The following DNAH2 variants were observed in gnomAD, a reference collection of about 807,000 sequenced individuals.
DNAH2 encodes the protein dynein axonemal heavy chain 2.
Under a neutral mutation model 523.5 loss-of-function variants are expected in DNAH2, and 323 were observed. The ratio of observed to expected loss-of-function variants is 0.62; its 90% CI spans 0.56 to 0.68. The LOEUF (loss-of-function observed/expected upper bound fraction) is 0.68. Ranked by LOEUF, DNAH2 falls within the 30% of genes least tolerant of loss-of-function variation. DNAH2 has a pLI of 0.00. For synonymous variants in DNAH2, 2,093 were observed against 2,177.4 expected, an observed-to-expected ratio of 0.96 and a Z score of 1.08; for missense variants, 4,907 against 5,701.5, an observed-to-expected ratio of 0.86 and a Z score of 4.49.
chr17:7,805,446 T>C, intron 61 of DNAH2, 53 bp downstream of exon 61: 1 of 1,609,840 alleles, frequency 6.2e-7, no homozygotes, highest in Non-Finnish European at 8.5e-7. Flanking sequence ...TGTTTATTGA[T>C]CGTCGGCTGT....
chr17:7,743,329 T>C, intron 12 of DNAH2, 187 bp downstream of exon 12: 1 of 727,168 alleles, frequency 1.4e-6, no homozygotes. Context: ...CACCCTGCTA[T>C]CAACATTTTA....
intron 2 of DNAH2, among the ~76,000 whole-genome samples, chr17:7,722,502 A>G (rs1453001553): frequency 6.6e-6 from 1 of 152,136 alleles, no homozygotes; most frequent in African/African-American, 2.4e-5. Flanking sequence ...GGTGACTCCT[A>G]TATCTTTACT....
At position 7,777,216 on chromosome 17, in the gene DNAH2, G is replaced by T. The variant is rs1055728197; in HGVS notation, c.5059-230G>T. 1.3e-3 allele frequency among the ~76,000 whole-genome samples: 194 copies of T among 152,210 alleles called. 1 individual carries two copies. Among genetic ancestry groups the T allele is most frequent in the African/African-American group, 4.3e-3 (177 of 41,514 alleles). ...ATGGGCTAGGCCTGGAGCTAGAATTGCAGGGAGGGAGCAGTCAGAATTAGA... is the reference window on the plus strand; with the variant it reads ...ATGGGCTAGGCCTGGAGCTAGAATTTCAGGGAGGGAGCAGTCAGAATTAGA... On this transcript the variant is annotated intron_variant, in intron 32 of 85. Coordinates refer to ENST00000572933, the MANE Select transcript of DNAH2 (RefSeq NM_020877.5).
intron 18 of DNAH2, among the ~76,000 whole-genome samples, chr17:7,762,323 T>C (rs1166192038): frequency 6.7e-6 from 1 of 149,626 alleles, no homozygotes; most frequent in East Asian, 1.9e-4. Flanking sequence ...GGACTTTGCG[T>C]AGGATTTCTT....
intron 46 of DNAH2, 109 bp from the exon 47 acceptor site, chr17:7,792,548 C>A: frequency 9.4e-7 from 1 of 1,065,690 alleles, no homozygotes; most frequent in Non-Finnish European, 1.4e-6. Context: ...CCAGGCCCCA[C>A]AGGAGGGCAG....
chr17:7,775,390 A>C (rs1447524209), intron 30 of DNAH2, 48 bp downstream of exon 30: 1 of 1,560,514 alleles, frequency 6.4e-7, no homozygotes, highest in Non-Finnish European at 8.7e-7. Flanking sequence ...TTCTTCCTAC[A>C]GAAAGTTCAC....
At chr17:7,825,011 AC>A (rs1322083363) in intron 77 of DNAH2, among the ~76,000 whole-genome samples, 4 of 152,130 alleles carry the variant, frequency 2.6e-5, no homozygotes, top group African/African-American at 9.7e-5. Context: ...GAATACTGTT[AC>A]CCCCATTTTA....
At chr17:7,795,650 A>AATAT (rs1246942689) in intron 49 of DNAH2, among the ~76,000 whole-genome samples, 1 of 97,682 alleles carries the variant, frequency 1.0e-5, no homozygotes, top group African/African-American at 2.9e-5. Context: ...CACCAGCTTG[A>AATAT]ATATATATAT....
At chr17:7,721,375 T>G (rs2074600407) in intron 2 of DNAH2, among the ~76,000 whole-genome samples, 1 of 151,994 alleles carries the variant, frequency 6.6e-6, no homozygotes, top group African/African-American at 2.4e-5. Flanking sequence ...GGTTTCACCA[T>G]GTTGCCCAGG....
intron 11 of DNAH2, among the ~76,000 whole-genome samples, chr17:7,742,625 C>G (rs375247704): frequency 6.6e-6 from 1 of 152,344 alleles, no homozygotes; most frequent in East Asian, 1.9e-4. Flanking sequence ...AACCTTGTGC[C>G]TCATATCCTG....
At chr17:7,769,984 G>A (rs1191070262) in intron 24 of DNAH2, among the ~76,000 whole-genome samples, 1 of 152,134 alleles carries the variant, frequency 6.6e-6, no homozygotes, top group Admixed American at 6.6e-5. Context: ...CCTTTACTCA[G>A]TACAGTTCTA....
In DNAH2 at chr17:7,776,016, C is replaced by T. The variant is rs370379054; in HGVS notation, c.4822-8C>T. The T allele has an allele frequency of 5.0e-6, 8 of 1,612,380 alleles. No individual in the cohort carries two copies. In the Admixed American group the frequency reaches 6.7e-5, roughly 13 times the overall value. ...GCTGAGCTGCCCTATTCTCCCACCT[C>T]CCCCCAGTCCTGGCTTGGCGATGTG... is the stretch of plus-strand genomic sequence containing the variant. On this transcript the variant is annotated splice_polypyrimidine_tract_variant and splice_region_variant and intron_variant, in intron 30 of 85. Coordinates refer to ENST00000572933, the MANE Select transcript of DNAH2 (RefSeq NM_020877.5).
Position 7,799,165 on chromosome 17 carries a change from C to T in DNAH2, c.8622C>T (p.Leu2874=), listed in dbSNP as rs1390328639. 6.2e-7 allele frequency: 1 copy of T among 1,614,224 alleles called. No homozygotes were observed. The highest frequency in any genetic ancestry group is 1.7e-5 in the Admixed American group (1 of 60,024). Residue 2874 remains leucine (L), a synonymous_variant, in exon 56 of 86, where the codon CTC becomes CTT. Coordinates refer to ENST00000572933, the MANE Select transcript of DNAH2 (RefSeq NM_020877.5). ...VEQVPESSDS[L]FAYLIERVQN... ...AGGTGCCTGAGTCATCGGACAGCCT[C>T]TTCGCCTACCTCATTGAACGCGTGC...
intron 58 of DNAH2, among the ~76,000 whole-genome samples, 166 bp from the exon 59 acceptor site, chr17:7,804,090 T>A (rs932238524): frequency 6.6e-6 from 1 of 152,110 alleles, no homozygotes; most frequent in Non-Finnish European, 1.5e-5. Flanking sequence ...CTGTTGGCAA[T>A]GACCCAGGCA....
intron 18 of DNAH2, among the ~76,000 whole-genome samples, chr17:7,761,181 A>G (rs1220236620): frequency 6.6e-6 from 1 of 152,238 alleles, no homozygotes. Context: ...GTGAGAAAGA[A>G]GAAGTTCCAG....
At chr17:7,792,429 A>T in intron 46 of DNAH2, 86 bp downstream of exon 46, 1 of 1,386,614 alleles carries the variant, frequency 7.2e-7, no homozygotes, top group Admixed American at 1.7e-5. Flanking sequence ...AGAAGCAAAA[A>T]TGAGCAATAG....
rs2075399407 is a variant in DNAH2, at chr17:7,743,027, A to G, written c.1789A>G (p.Lys597Glu). The G allele has an allele frequency of 6.6e-7, 1 of 1,523,438 alleles. No homozygotes were observed. The highest frequency in any genetic ancestry group is 2.3e-5 in the East Asian group (1 of 44,134). The allele number at this position is 1,523,438 out of a possible 1,614,324, so 94.4% of individuals were successfully genotyped here. A position where few individuals can be genotyped will look rare whatever the true frequency, so the allele number is the denominator to read the frequency against. Residue 597 changes from lysine to glutamate, a missense_variant, in exon 12 of 86, where the codon AAA (lysine) becomes GAA (glutamate). By Grantham distance (56) the Lys-to-Glu change is moderately conservative (BLOSUM62 1). This residue lies in a region of DNAH2 where 2,806 missense variants were observed against 3,190.8 expected (regional missense o/e 0.88). Coordinates refer to ENST00000572933, the MANE Select transcript of DNAH2 (RefSeq NM_020877.5). ...CCAGGCCATTGATGAGCTGGTTCGA[A>G]AAACCTTCCAAGAGTGGACATCAAG... ...MVQAIDELVR[K>E]TFQEWTSSLD...
At position 7,791,911 on chromosome 17, in the gene DNAH2, A is replaced by G. The variant is rs2151272864; in HGVS notation, c.6901-6A>G. 6.2e-7 allele frequency: 1 copy of G among 1,612,332 alleles called. No homozygotes were observed. Among genetic ancestry groups the G allele is most frequent in the East Asian group, 2.2e-5 (1 of 44,844 alleles). On this transcript the variant is annotated splice_polypyrimidine_tract_variant and splice_region_variant and intron_variant, in intron 44 of 85. Transcript: ENST00000572933. ...GGGTTATTTCCTCTTCTCGTTCTCC[A>G]TCCAGGTGAACCCAGCTGACGGCGA...
chr17:7,812,805 TG>T (rs1362148169), intron 63 of DNAH2, among the ~76,000 whole-genome samples: 2 of 115,928 alleles, frequency 1.7e-5, no homozygotes, highest in East Asian at 5.7e-4. Flanking sequence ...AAGCTGGGCG[TG>T]GTGGTGGGCA....
Sources: gnomAD v4.1 joint callset for allele counts (sites outside exome capture counted in the v4.1 genomes callset) on GRCh38, gnomAD v4.1.1 for gene constraint, gnomAD v4.1.1 regional missense constraint, MANE v1.5 for transcripts, NCBI Gene and HGNC (gene_info 2026-07-23, HGNC 2026-07-21) for gene names.